DACH1: variants seen among roughly 807,000 people sequenced by gnomAD.
DACH1 encodes dachshund family transcription factor 1.
DACH1 carries 12 observed loss-of-function variants against 54.2 expected under a neutral mutation model. That is an observed-to-expected ratio of 0.22 (90% CI 0.14 to 0.36). The LOEUF is 0.36. DACH1 is among the 10% of genes least tolerant of loss of function. The probability of loss-of-function intolerance (pLI) is 1.00; values close to 1 mark genes in which losing one functional copy is unlikely to be tolerated. For missense variants in DACH1, 805 were observed against 929.8 expected, an observed-to-expected ratio of 0.87 and a Z score of 1.75; for synonymous variants, 386 against 366.2, an observed-to-expected ratio of 1.05 and a Z score of -0.62.
intron 1 of DACH1, among the ~76,000 whole-genome samples, chr13:71,754,334 A>G (rs1885052034): frequency 6.6e-6 from 1 of 152,182 alleles, no homozygotes; most frequent in Admixed American, 6.5e-5. Context: ...CTCCTGTCCA[A>G]CTACAAATAA....
chr13:71,512,899 T>C (rs1283230853), intron 6 of DACH1, among the ~76,000 whole-genome samples: 1 of 151,848 alleles, frequency 6.6e-6, no homozygotes, highest in African/African-American at 2.4e-5. Flanking sequence ...TTTTTAAAGA[T>C]TATACATTTT....
chr13:71,824,983 G>A (rs1275991645), intron 1 of DACH1, among the ~76,000 whole-genome samples: 1 of 151,990 alleles, frequency 6.6e-6, no homozygotes, highest in Non-Finnish European at 1.5e-5. Flanking sequence ...CCCAAATAAT[G>A]AAGTCTTAAG....
intron 3 of DACH1, among the ~76,000 whole-genome samples, chr13:71,619,384 A>C: frequency 6.6e-6 from 1 of 151,918 alleles, no homozygotes; most frequent in East Asian, 1.9e-4. Context: ...GAGATTAGTA[A>C]AAGCAAAAAG....
At chr13:71,614,343 A>C (rs1875590181) in intron 3 of DACH1, among the ~76,000 whole-genome samples, 1 of 152,200 alleles carries the variant, frequency 6.6e-6, no homozygotes, top group South Asian at 2.1e-4. Flanking sequence ...ATTCTGCAAG[A>C]GTAGTTTCAA....
At chr13:71,582,386 A>G (rs1478767991) in intron 3 of DACH1, among the ~76,000 whole-genome samples, 2 of 152,192 alleles carry the variant, frequency 1.3e-5, no homozygotes, top group Non-Finnish European at 2.9e-5. Context: ...CCCTCAATTA[A>G]CAATGAATGA....
At chr13:71,512,410 C>T (rs563684555) in intron 6 of DACH1, among the ~76,000 whole-genome samples, 16 of 151,960 alleles carry the variant, frequency 1.1e-4, no homozygotes, top group South Asian at 4.2e-4. Flanking sequence ...CAGAGGGAGA[C>T]GCTCTAATGT....
At chr13:71,755,303 T>C (rs977424537) in intron 1 of DACH1, among the ~76,000 whole-genome samples, 11 of 152,260 alleles carry the variant, frequency 7.2e-5, no homozygotes, top group Admixed American at 5.2e-4. Context: ...TACAAGGCTG[T>C]TATACAGGTA....
intron 1 of DACH1, among the ~76,000 whole-genome samples, chr13:71,835,039 C>T (rs1317479561): frequency 6.6e-6 from 1 of 151,948 alleles, no homozygotes; most frequent in Non-Finnish European, 1.5e-5. Context: ...AGCAAGCTTG[C>T]CAAAATTTTT....
At chr13:71,441,158 G>A (rs556386379) in intron 10 of DACH1, among the ~76,000 whole-genome samples, 3 of 151,954 alleles carry the variant, frequency 2.0e-5, no homozygotes, top group Non-Finnish European at 4.4e-5. Context: ...GTGCACATTC[G>A]TTGCTATTTA....
At chr13:71,746,091 G>T (rs983291986) in intron 1 of DACH1, among the ~76,000 whole-genome samples, 1 of 152,030 alleles carries the variant, frequency 6.6e-6, no homozygotes, top group African/African-American at 2.4e-5. Flanking sequence ...GGTGGCACAC[G>T]CCTGTAACCC....
Position 71,723,069 on chromosome 13 carries a change from G to A in DACH1, c.849-41159C>T, listed in dbSNP as rs561216770. Among the ~76,000 whole-genome samples, 184 of 152,078 alleles carry A rather than the reference G, an allele frequency of 1.2e-3. 1 individual carries two copies. The highest frequency in any genetic ancestry group is 3.4e-3 in the Middle Eastern group (1 of 294). On this transcript the variant is annotated intron_variant, in intron 1 of 10. Transcript: ENST00000613252. ...GATTGTTGTGTCAAAACCAGAAACC[G>A]TTGTACATTTCTCTATCCTAAATAA...
chr13:71,664,669 A>T (rs112580350), intron 2 of DACH1, among the ~76,000 whole-genome samples: 1 of 152,050 alleles, frequency 6.6e-6, no homozygotes, highest in African/African-American at 2.4e-5. Context: ...ATTTTGGTAC[A>T]TATTCCATAG....
At chr13:71,793,003 ACCTGTGTGGTAG>A (rs1257700702) in intron 1 of DACH1, among the ~76,000 whole-genome samples, 2 of 152,158 alleles carry the variant, frequency 1.3e-5, no homozygotes, top group African/African-American at 2.4e-5. Flanking sequence ...GCAGCTTTTA[ACCTGTGTGGTAG>A]CCTCTTTCAA....
Position 71,624,906 on chromosome 13 carries a change from G to A in DACH1, c.1126+5650C>T, listed in dbSNP as rs1443713649. ...GCAGTTACAGCTGTGCACTCAATCC[G>A]GCTCCATCTCTTGAGTCTCGGCCCC... On this transcript the variant is annotated intron_variant, in intron 3 of 10. Transcript: ENST00000613252. Among the ~76,000 whole-genome samples the A allele has an allele frequency of 6.6e-5, 10 of 151,788 alleles. No homozygotes were observed. The East Asian group carries it at 1.2e-3, about 18-fold the overall frequency.
chr13:71,520,610 T>A (rs936162862), intron 6 of DACH1, among the ~76,000 whole-genome samples: 1 of 151,462 alleles, frequency 6.6e-6, no homozygotes, highest in Non-Finnish European at 1.5e-5. Flanking sequence ...ACAGTATAGA[T>A]TGAACTATAC....
At chr13:71,544,088 A>C (rs1328425143) in intron 6 of DACH1, among the ~76,000 whole-genome samples, 1 of 152,132 alleles carries the variant, frequency 6.6e-6, no homozygotes, top group African/African-American at 2.4e-5. Context: ...GATTTACCAC[A>C]TATCTTTCTC....
rs73523414 is a variant in DACH1, at chr13:71,677,149, C to T, written c.964+4646G>A. 7.9e-3 allele frequency among the ~76,000 whole-genome samples: 1,198 copies of T among 152,136 alleles called. 22 individuals are homozygous for T. Among genetic ancestry groups the T allele is most frequent in the African/African-American group, 0.027 (1,136 of 41,478 alleles). ...GGAGTATTTTGAATTCCTAAATAAC[C>T]CCTTTCTTAATTTTAAATAGACGTC... is the stretch of plus-strand genomic sequence containing the variant. On this transcript the variant is annotated intron_variant, in intron 2 of 10. Transcript: ENST00000613252.
chr13:71,514,217 T>C, intron 6 of DACH1, among the ~76,000 whole-genome samples: 1 of 151,982 alleles, frequency 6.6e-6, no homozygotes, highest in East Asian at 1.9e-4. Context: ...TAGTATAAGC[T>C]AAGAAGTGGC....
chr13:71,542,914 A>G (rs972685362), intron 6 of DACH1, among the ~76,000 whole-genome samples: 1 of 152,160 alleles, frequency 6.6e-6, no homozygotes, highest in African/African-American at 2.4e-5. Flanking sequence ...AAGCTCAGCT[A>G]TTTTACTATC....
Sources: allele counts gnomAD v4.1 joint callset (sites outside exome capture counted in the v4.1 genomes callset), GRCh38; gene constraint gnomAD v4.1.1; transcripts MANE v1.5; gene names NCBI Gene and HGNC (gene_info 2026-07-23, HGNC 2026-07-21).